The following SSBP3 variants were observed in gnomAD, a reference collection of about 807,000 sequenced individuals.
SSBP3 encodes single-stranded DNA-binding protein 3.
SSBP3 carries 5 observed loss-of-function variants against 69.6 expected under a neutral mutation model. That is an observed-to-expected ratio of 0.07 (90% CI 0.04 to 0.15). The LOEUF (loss-of-function observed/expected upper bound fraction) is 0.15. Among genes scored for constraint, SSBP3 ranks in the 10% least tolerant of loss-of-function variants. SSBP3 has a pLI of 1.00. For missense variants in SSBP3, 312 were observed against 534.0 expected, an observed-to-expected ratio of 0.58 and a Z score of 4.10; for synonymous variants, 196 against 193.4, an observed-to-expected ratio of 1.01 and a Z score of -0.11.
At position 54,377,515 on chromosome 1, in the gene SSBP3, A is replaced by C. The variant is rs527802453; in HGVS notation, c.276+24346T>G. ...GGCTTGAGGTAGGACGCCAGCAGCC[A>C]GGCTCTTAACACTCAGGAAGGGTGG... is the stretch of plus-strand genomic sequence containing the variant. On this transcript the variant is annotated intron_variant, in intron 4 of 17. Transcript: ENST00000610401. Among the ~76,000 whole-genome samples, 6 of 152,352 alleles carry C rather than the reference A, an allele frequency of 3.9e-5. No homozygotes were observed. The South Asian group carries it at 1.0e-3, about 26-fold the overall frequency.
rs370981286 is a variant in SSBP3 at position 54,273,927 on chromosome 1, A to T, written c.366+7511T>A. On this transcript the variant is annotated intron_variant, in intron 5 of 17. Coordinates refer to ENST00000610401, the Ensembl canonical transcript of SSBP3. Reference sequence around the variant, plus strand: ...CTCCAACTGTGGCCTGGAGCCCAGCAGTTGGGGCGCCCCACCTCCTCTCTA... The same window carrying T: ...CTCCAACTGTGGCCTGGAGCCCAGCTGTTGGGGCGCCCCACCTCCTCTCTA... Among the ~76,000 whole-genome samples, 62 of 152,310 alleles carry T rather than the reference A, an allele frequency of 4.1e-4. 2 individuals are homozygous for T. In the South Asian group the frequency reaches 7.0e-3, roughly 17 times the overall value.
intron 9 of SSBP3, among the ~76,000 whole-genome samples, chr1:54,244,293 G>A (rs758631832): frequency 2.8e-4 from 43 of 151,854 alleles, no homozygotes; most frequent in Non-Finnish European, 5.0e-4. Context: ...TAGTAGAGAC[G>A]GGGTTTCACC....
chr1:54,404,226 C>T (rs947972280), intron 3 of SSBP3, among the ~76,000 whole-genome samples: 3 of 152,082 alleles, frequency 2.0e-5, no homozygotes, highest in Non-Finnish European at 4.4e-5. Flanking sequence ...CCCTCCACGC[C>T]GCCCCACCCC....
chr1:54,244,987 A>T (rs541234048), intron 9 of SSBP3, among the ~76,000 whole-genome samples: 1 of 152,172 alleles, frequency 6.6e-6, no homozygotes, highest in South Asian at 2.1e-4. Context: ...TGTCTTGATG[A>T]TCATATACCC....
intron 5 of SSBP3, among the ~76,000 whole-genome samples, chr1:54,263,685 A>G (rs973187921): frequency 6.6e-6 from 1 of 152,260 alleles, no homozygotes; most frequent in Non-Finnish European, 1.5e-5. Context: ...CTCTAAACAC[A>G]GAACCTTTCC....
At chr1:54,292,089 A>G (rs1645618645) in intron 4 of SSBP3, among the ~76,000 whole-genome samples, 1 of 152,144 alleles carries the variant, frequency 6.6e-6, no homozygotes, top group African/African-American at 2.4e-5. Context: ...GAAGCCAAGG[A>G]CAGACCCTTC....
At chr1:54,290,950 T>C (rs1218365797) in intron 4 of SSBP3, among the ~76,000 whole-genome samples, 1 of 152,106 alleles carries the variant, frequency 6.6e-6, no homozygotes, top group Non-Finnish European at 1.5e-5. Flanking sequence ...CACACACACA[T>C]TTCCCACTGT....
intron 5 of SSBP3, among the ~76,000 whole-genome samples, chr1:54,274,822 T>C (rs1413423109): frequency 3.3e-5 from 5 of 152,112 alleles, no homozygotes; most frequent in Non-Finnish European, 7.4e-5. Flanking sequence ...TTCCTGTGTC[T>C]ATTCCTGGCT....
intron 4 of SSBP3, among the ~76,000 whole-genome samples, chr1:54,361,480 G>A (rs936665883): frequency 5.9e-5 from 9 of 152,030 alleles, no homozygotes; most frequent in African/African-American, 2.2e-4. Context: ...AACCCCACAC[G>A]CACTCCCGCT....
chr1:54,327,370 A>G (rs972071212), intron 4 of SSBP3, among the ~76,000 whole-genome samples: 15 of 152,112 alleles, frequency 9.9e-5, no homozygotes, highest in African/African-American at 3.6e-4. Context: ...CGTTCCTTTC[A>G]AGGCCTGGGA....
intron 6 of SSBP3, 105 bp downstream of exon 6, chr1:54,257,964 A>T: frequency 9.5e-7 from 1 of 1,056,966 alleles, no homozygotes; most frequent in Non-Finnish European, 1.3e-6. Flanking sequence ...AAAGACTCGC[A>T]GGCAGTGGCT....
At chr1:54,233,780 G>GC (rs909760991) in intron 14 of SSBP3, among the ~76,000 whole-genome samples, 2 of 151,784 alleles carry the variant, frequency 1.3e-5, no homozygotes, top group Non-Finnish European at 2.9e-5. Context: ...TCAGCCCCCT[G>GC]CCCGGCCAGC....
chr1:54,412,023 C>T (rs1193754922), intron 1 of SSBP3, among the ~76,000 whole-genome samples: 1 of 152,154 alleles, frequency 6.6e-6, no homozygotes, highest in Non-Finnish European at 1.5e-5. Flanking sequence ...GTTCTCTCAG[C>T]CTGGGACCAG....
intron 4 of SSBP3, among the ~76,000 whole-genome samples, chr1:54,337,542 G>C (rs1646532268): frequency 8.0e-6 from 1 of 124,404 alleles, no homozygotes; most frequent in African/African-American, 3.3e-5. Flanking sequence ...CTGTTGCCCA[G>C]GCTGGAGTGC....
At chr1:54,357,153 A>T (rs1032642275) in intron 4 of SSBP3, among the ~76,000 whole-genome samples, 4 of 152,280 alleles carry the variant, frequency 2.6e-5, no homozygotes, top group Admixed American at 2.6e-4. Flanking sequence ...AGAAGGCCAA[A>T]GGGGCTAGGA....
intron 4 of SSBP3, among the ~76,000 whole-genome samples, chr1:54,311,361 G>A (rs1645998467): frequency 1.3e-5 from 2 of 152,182 alleles, no homozygotes; most frequent in African/African-American, 4.8e-5. Flanking sequence ...TGGAGGGTCT[G>A]TCATGTCAAA....
intron 4 of SSBP3, among the ~76,000 whole-genome samples, chr1:54,357,362 TCAGG>T (rs1184268373): frequency 6.6e-6 from 1 of 151,876 alleles, no homozygotes; most frequent in Non-Finnish European, 1.5e-5. Context: ...ACTTACAAAG[TCAGG>T]CAGGCAGGAG....
At chr1:54,242,319 C>T (rs1644654283) in intron 10 of SSBP3, 107 bp from the exon 11 acceptor site, 1 of 1,329,622 alleles carries the variant, frequency 7.5e-7, no homozygotes, top group African/African-American at 1.4e-5. Context: ...ACAGGAAGTC[C>T]TTCCTACAGC....
chr1:54,317,277 C>A (rs916548210), intron 4 of SSBP3, among the ~76,000 whole-genome samples: 5 of 152,196 alleles, frequency 3.3e-5, no homozygotes, highest in African/African-American at 1.2e-4. Context: ...GTGACTCACA[C>A]CTGTCATCTC....
Sources: allele counts gnomAD v4.1 joint callset (sites outside exome capture counted in the v4.1 genomes callset), GRCh38; gene constraint gnomAD v4.1.1; transcripts MANE v1.5; gene names NCBI Gene and HGNC (gene_info 2026-07-23, HGNC 2026-07-21).